MAML3: variants seen among roughly 807,000 people sequenced by gnomAD.
MAML3 encodes the protein mastermind like transcriptional coactivator 3.
MAML3 carries 27 observed loss-of-function variants against 101.9 expected under a neutral mutation model. That is an observed-to-expected ratio of 0.27 (90% CI 0.20 to 0.37). The LOEUF (loss-of-function observed/expected upper bound fraction) is 0.37. MAML3 is among the 10% of genes least tolerant of loss of function. The probability of loss-of-function intolerance (pLI) is 1.00; values close to 1 mark genes in which losing one functional copy is unlikely to be tolerated. For synonymous variants in MAML3, 501 were observed against 555.9 expected, an observed-to-expected ratio of 0.90 and a Z score of 1.39; for missense variants, 1,316 against 1,444.9, an observed-to-expected ratio of 0.91 and a Z score of 1.45.
intron 2 of MAML3, among the ~76,000 whole-genome samples, chr4:139,820,565 C>T (rs553154455): frequency 6.6e-6 from 1 of 152,260 alleles, no homozygotes; most frequent in African/African-American, 2.4e-5. Flanking sequence ...AATACTTATT[C>T]TTCATTTCAC....
chr4:139,973,787 A>AGAATGGTC (rs1734270801), intron 1 of MAML3, among the ~76,000 whole-genome samples: 1 of 152,220 alleles, frequency 6.6e-6, no homozygotes, highest in Admixed American at 6.5e-5. Context: ...TTGGAGACAA[A>AGAATGGTC]GAATGGTCAA....
intron 1 of MAML3, among the ~76,000 whole-genome samples, chr4:140,054,606 C>T (rs1285454465): frequency 6.6e-6 from 1 of 152,178 alleles, no homozygotes; most frequent in Non-Finnish European, 1.5e-5. Flanking sequence ...TATTTCAAGG[C>T]TTATTTCTTA....
At chr4:140,139,205 G>A (rs1335119128) in intron 1 of MAML3, among the ~76,000 whole-genome samples, 1 of 152,122 alleles carries the variant, frequency 6.6e-6, no homozygotes, top group African/African-American at 2.4e-5. Flanking sequence ...CCCAGGAGTT[G>A]GAGGCTGCAG....
In MAML3 at chr4:139,981,870, G is replaced by A. The variant is rs149576719; in HGVS notation, c.469-90903C>T. On this transcript the variant is annotated intron_variant, in intron 1 of 4. Transcript: ENST00000509479. ...TCAGGAAGAAGACCACAGAGATAAA[G>A]TGCCATTCTCATCACGTCATATCAA... Among the ~76,000 whole-genome samples, 528 of 152,288 alleles carry A rather than the reference G, an allele frequency of 3.5e-3. 4 individuals carry two copies. Among genetic ancestry groups the A allele is most frequent in the African/African-American group, 0.012 (514 of 41,558 alleles).
chr4:140,079,482 T>A (rs988562262), intron 1 of MAML3, among the ~76,000 whole-genome samples: 2 of 152,056 alleles, frequency 1.3e-5, no homozygotes, highest in African/African-American at 2.4e-5. Context: ...CTAGTAGATA[T>A]GGAGTTTCAC....
At chr4:139,857,399 T>G (rs1731680006) in intron 2 of MAML3, among the ~76,000 whole-genome samples, 1 of 151,994 alleles carries the variant, frequency 6.6e-6, no homozygotes, top group Non-Finnish European at 1.5e-5. Flanking sequence ...AAGTTGCCAC[T>G]GCCAGATTCT....
chr4:139,894,205 T>C (rs945484865), intron 1 of MAML3, among the ~76,000 whole-genome samples: 1 of 152,076 alleles, frequency 6.6e-6, no homozygotes, highest in African/African-American at 2.4e-5. Flanking sequence ...TTTTCATAAG[T>C]AGATGATTAT....
chr4:139,796,039 T>C (rs1730506558), intron 2 of MAML3, among the ~76,000 whole-genome samples: 1 of 152,170 alleles, frequency 6.6e-6, no homozygotes, highest in African/African-American at 2.4e-5. Flanking sequence ...AAAACTAGTT[T>C]CTCTTGGGCA....
intron 1 of MAML3, among the ~76,000 whole-genome samples, chr4:139,930,720 C>G (rs1270765053): frequency 6.6e-6 from 1 of 152,164 alleles, no homozygotes; most frequent in Non-Finnish European, 1.5e-5. Flanking sequence ...CTCAGGTACC[C>G]TCTTCGTAGT....
At chr4:139,724,905 T>A (rs995082183) in intron 4 of MAML3, among the ~76,000 whole-genome samples, 1 of 151,980 alleles carries the variant, frequency 6.6e-6, no homozygotes, top group Non-Finnish European at 1.5e-5. Context: ...ATTACAGGTA[T>A]GCATCACCAC....
At chr4:139,914,038 T>G (rs2111226774) in intron 1 of MAML3, among the ~76,000 whole-genome samples, 1 of 152,292 alleles carries the variant, frequency 6.6e-6, no homozygotes, top group East Asian at 1.9e-4. Context: ...AGTAACAAAT[T>G]GTTTCCCTCC....
intron 3 of MAML3, among the ~76,000 whole-genome samples, chr4:139,727,076 C>A (rs1728504434): frequency 6.6e-6 from 1 of 152,130 alleles, no homozygotes. Context: ...ACACACTGAC[C>A]ACCTCTTAAC....
chr4:139,717,057 A>ATATT lies in MAML3; in HGVS notation c.*2262_*2265dup, dbSNP rs1728002098. 6.6e-6 allele frequency: 1 copy of ATATT among 152,432 alleles called. No individual in the cohort carries two copies. Among genetic ancestry groups the ATATT allele is most frequent in the African/African-American group, 2.4e-5 (1 of 41,438 alleles). 9.4% of individuals were successfully genotyped at this position (152,432 alleles called of 1,614,324 possible). A position where few individuals can be genotyped will look rare whatever the true frequency, so the allele number is the denominator to read the frequency against. On this transcript the variant is annotated 3_prime_UTR_variant, in exon 5 of 5. Coordinates refer to ENST00000509479, the MANE Select transcript of MAML3 (RefSeq NM_018717.5). Reference sequence around the variant, plus strand: ...AAACAGTATATATATATTTATATGTATATTTTTTACAGATAGTAGACCCAG... The same window carrying ATATT: ...AAACAGTATATATATATTTATATGTATATTTATTTTTTACAGATAGTAGACCCAG...
chr4:140,000,799 G>A (rs570599103), intron 1 of MAML3, among the ~76,000 whole-genome samples: 18 of 152,258 alleles, frequency 1.2e-4, no homozygotes, highest in South Asian at 4.1e-4. Context: ...AGGCCGAGGT[G>A]GGTGGATCAC....
At chr4:140,004,045 C>A (rs187049798) in intron 1 of MAML3, among the ~76,000 whole-genome samples, 39 of 152,360 alleles carry the variant, frequency 2.6e-4, no homozygotes, top group African/African-American at 8.7e-4. Flanking sequence ...CACACAGGCA[C>A]TTTAAGGTAA....
chr4:140,024,227 A>AT (rs772311062), intron 1 of MAML3, among the ~76,000 whole-genome samples: 480 of 140,040 alleles, frequency 3.4e-3, no homozygotes, highest in East Asian at 5.2e-3. Context: ...GGATTGATTG[A>AT]TTTTTTTTTT....
chr4:139,956,688 T>C (rs1297862852), intron 1 of MAML3, among the ~76,000 whole-genome samples: 1 of 152,162 alleles, frequency 6.6e-6, no homozygotes, highest in Non-Finnish European at 1.5e-5. Flanking sequence ...GCGATATACA[T>C]TCAGGAGAGG....
At chr4:139,926,373 C>A (rs755104003) in intron 1 of MAML3, among the ~76,000 whole-genome samples, 4 of 152,108 alleles carry the variant, frequency 2.6e-5, no homozygotes, top group Non-Finnish European at 5.9e-5. Context: ...CCGAGGCGGG[C>A]GGATCACCTG....
At chr4:139,818,075 G>A (rs1332452881) in intron 2 of MAML3, among the ~76,000 whole-genome samples, 1 of 152,156 alleles carries the variant, frequency 6.6e-6, no homozygotes, top group Non-Finnish European at 1.5e-5. Context: ...GATACTGTAG[G>A]CCTGAGGTGG....
Sources: allele counts gnomAD v4.1 joint callset (sites outside exome capture counted in the v4.1 genomes callset), GRCh38; gene constraint gnomAD v4.1.1; transcripts MANE v1.5; gene names NCBI Gene and HGNC (gene_info 2026-07-23, HGNC 2026-07-21).